SLCO3A1: variants seen among roughly 807,000 people sequenced by gnomAD.
SLCO3A1 encodes PGE1 transporter.
In SLCO3A1, 27 loss-of-function variants were observed where a neutral mutation model predicts 63.1. The observed-to-expected ratio is 0.43, with a 90% CI of 0.32 to 0.59. SLCO3A1 has a LOEUF of 0.59. Ranked by LOEUF, SLCO3A1 falls within the 20% of genes least tolerant of loss-of-function variation. The pLI is 0.09. For missense variants in SLCO3A1, 773 were observed against 945.8 expected, an observed-to-expected ratio of 0.82 and a Z score of 2.40; for synonymous variants, 473 against 409.9, an observed-to-expected ratio of 1.15 and a Z score of -1.86.
At chr15:91,965,620 G>A (rs186756718) in intron 2 of SLCO3A1, among the ~76,000 whole-genome samples, 14 of 152,152 alleles carry the variant, frequency 9.2e-5, no homozygotes, top group African/African-American at 3.4e-4. Flanking sequence ...TAGGGAGTGG[G>A]AGTTGGCAGG....
At chr15:91,864,985 T>A (rs1434422716) in intron 1 of SLCO3A1, among the ~76,000 whole-genome samples, 1 of 152,218 alleles carries the variant, frequency 6.6e-6, no homozygotes, top group African/African-American at 2.4e-5. Flanking sequence ...CCTAGGCCAC[T>A]CCTGAGTGGG....
chr15:92,030,032 A>G (rs916914794), intron 2 of SLCO3A1, among the ~76,000 whole-genome samples: 7 of 152,148 alleles, frequency 4.6e-5, no homozygotes, highest in African/African-American at 1.7e-4. Flanking sequence ...TTTTCGTAAC[A>G]GTTGGTGATA....
chr15:92,149,033 G>T (rs2048269484), intron 8 of SLCO3A1: 1 of 152,164 alleles, frequency 6.6e-6, no homozygotes, highest in Non-Finnish European at 1.5e-5. Flanking sequence ...GTTATATTGT[G>T]ATATTCATAC....
chr15:92,004,641 A>G (rs1597211568), intron 2 of SLCO3A1, among the ~76,000 whole-genome samples: 1 of 152,228 alleles, frequency 6.6e-6, no homozygotes, highest in Non-Finnish European at 1.5e-5. Context: ...CAAAATCTCC[A>G]AAGTGATTTG....
intron 2 of SLCO3A1, among the ~76,000 whole-genome samples, chr15:91,980,772 G>T (rs550537852): frequency 4.9e-4 from 74 of 152,032 alleles, no homozygotes; most frequent in Non-Finnish European, 9.9e-4. Flanking sequence ...CTGGACTTCT[G>T]TGCAAGCTGA....
At chr15:92,148,086 T>C (rs1326290281) in intron 8 of SLCO3A1, among the ~76,000 whole-genome samples, 2 of 152,202 alleles carry the variant, frequency 1.3e-5, no homozygotes, top group Non-Finnish European at 2.9e-5. Flanking sequence ...CACATGCTTG[T>C]AATCCCAGCC....
intron 1 of SLCO3A1, among the ~76,000 whole-genome samples, chr15:91,889,692 G>C (rs1435658651): frequency 4.6e-5 from 7 of 152,194 alleles, no homozygotes; most frequent in African/African-American, 1.7e-4. Flanking sequence ...GTTCCTTTAG[G>C]CAGTTTGCCC....
At chr15:92,143,001 C>T (rs550210521) in intron 7 of SLCO3A1, among the ~76,000 whole-genome samples, 3 of 151,982 alleles carry the variant, frequency 2.0e-5, no homozygotes, top group South Asian at 2.1e-4. Context: ...AGGGTTCTGG[C>T]GTCAGTCACT....
intron 7 of SLCO3A1, among the ~76,000 whole-genome samples, chr15:92,133,624 G>A (rs548961115): frequency 3.4e-5 from 5 of 145,270 alleles, no homozygotes; most frequent in South Asian, 2.2e-4. Context: ...CTGCGCACGC[G>A]AGGGATCTAG....
At chr15:92,133,321 C>A (rs1567136989) in intron 7 of SLCO3A1, among the ~76,000 whole-genome samples, 3 of 146,374 alleles carry the variant, frequency 2.0e-5, no homozygotes, top group African/African-American at 5.0e-5. Flanking sequence ...ACTGAGTATT[C>A]ATCATTCAGT....
rs1478054700 is a variant in SLCO3A1, at chr15:92,164,265, C to T, written c.*1130C>T. On this transcript the variant is annotated 3_prime_UTR_variant, in exon 10 of 10. Coordinates refer to ENST00000318445, the MANE Select transcript of SLCO3A1 (RefSeq NM_013272.4). Reference sequence around the variant, plus strand: ...CTATTGTAATTTTCATCATTTTATCCTCATTCGAATATTCTACAAAAACAA... The same window carrying T: ...CTATTGTAATTTTCATCATTTTATCTTCATTCGAATATTCTACAAAAACAA... The T allele has an allele frequency of 1.0e-6, 1 of 983,524 alleles. No individual in the cohort carries two copies. Among genetic ancestry groups the T allele is most frequent in the Non-Finnish European group, 1.2e-6 (1 of 828,564 alleles). 60.9% of individuals were successfully genotyped at this position (983,524 alleles called of 1,614,324 possible).
Position 91,886,458 on chromosome 15 carries a change from C to T in SLCO3A1, c.181-29535C>T, listed in dbSNP as rs1271436923. On this transcript the variant is annotated intron_variant, in intron 1 of 9. Coordinates refer to ENST00000318445, the MANE Select transcript of SLCO3A1 (RefSeq NM_013272.4). The surrounding 1 kb of genome is among the most constrained non-coding windows in gnomAD (Gnocchi z 4.9). ...ACATCAGCGTGAGTTGTGTGAAGTCCTCAGCAGTGCTCCATGCCTAGAAGG... is the reference window on the plus strand; with the variant it reads ...ACATCAGCGTGAGTTGTGTGAAGTCTTCAGCAGTGCTCCATGCCTAGAAGG... Among the ~76,000 whole-genome samples the T allele has an allele frequency of 6.6e-6, 1 of 152,152 alleles. No homozygotes were observed. Among genetic ancestry groups the T allele is most frequent in the African/African-American group, 2.4e-5 (1 of 41,438 alleles).
intron 9 of SLCO3A1, among the ~76,000 whole-genome samples, chr15:92,151,784 A>G (rs981228334): frequency 6.6e-6 from 1 of 152,250 alleles, no homozygotes; most frequent in African/African-American, 2.4e-5. Flanking sequence ...TTTAAGTGGC[A>G]TCTGAATGTA....
chr15:92,038,462 A>G (rs1044679953), intron 2 of SLCO3A1, among the ~76,000 whole-genome samples: 3 of 152,192 alleles, frequency 2.0e-5, no homozygotes, highest in Admixed American at 6.5e-5. Context: ...CCAACAATAG[A>G]CAAGCAGAGA....
At chr15:92,122,343 G>A (rs1212184964) in intron 5 of SLCO3A1, among the ~76,000 whole-genome samples, 1 of 152,212 alleles carries the variant, frequency 6.6e-6, no homozygotes, top group Non-Finnish European at 1.5e-5. Flanking sequence ...AGAGGAAAGG[G>A]AAGGTGATGC....
intron 7 of SLCO3A1, among the ~76,000 whole-genome samples, chr15:92,145,008 T>C (rs916818869): frequency 5.9e-5 from 9 of 152,022 alleles, no homozygotes; most frequent in African/African-American, 2.2e-4. Context: ...GCAACAAAGA[T>C]GGAAAGCGAG....
At chr15:91,974,265 G>GTTGTTGTTGTTGTTATTATTA (rs147991710) in intron 2 of SLCO3A1, among the ~76,000 whole-genome samples, 210 of 142,954 alleles carry the variant, frequency 1.5e-3, no homozygotes, top group Middle Eastern at 3.6e-3. Flanking sequence ...TTTCATTATT[G>GTTGTTGTTGTTGTTATTATTA]TTATTATTAT....
chr15:92,110,377 AT>A (rs1272447929), intron 4 of SLCO3A1, among the ~76,000 whole-genome samples: 1 of 152,110 alleles, frequency 6.6e-6, no homozygotes, highest in African/African-American at 2.4e-5. Flanking sequence ...AACACATCTG[AT>A]CAAGTTACTG....
At chr15:91,992,777 T>C (rs769861025) in intron 2 of SLCO3A1, among the ~76,000 whole-genome samples, 1 of 152,208 alleles carries the variant, frequency 6.6e-6, no homozygotes, top group Non-Finnish European at 1.5e-5. Flanking sequence ...ATTAGTGCTC[T>C]CCAGGAGCCA....
Sources: allele counts gnomAD v4.1 joint callset (sites outside exome capture counted in the v4.1 genomes callset), GRCh38; gene constraint gnomAD v4.1.1; non-coding constraint Gnocchi (gnomAD v3.1); transcripts MANE v1.5; gene names NCBI Gene and HGNC (gene_info 2026-07-23, HGNC 2026-07-21).